The following LTBP2 variants were observed in gnomAD, a reference collection of about 807,000 sequenced individuals.
The protein encoded by LTBP2 is latent transforming growth factor beta binding protein 2, also known as latent-transforming growth factor beta-binding protein 2.
LTBP2 carries 103 observed loss-of-function variants against 210.6 expected under a neutral mutation model. The observed-to-expected ratio is 0.49, with a 90% CI of 0.42 to 0.58. LTBP2 has a LOEUF of 0.58. Among genes scored for constraint, LTBP2 ranks in the 20% least tolerant of loss-of-function variants. The pLI, the probability that LTBP2 is intolerant of heterozygous loss-of-function variation, is 0.00. For synonymous variants in LTBP2, 1,007 were observed against 1,015.0 expected, an observed-to-expected ratio of 0.99 and a Z score of 0.15; for missense variants, 2,313 against 2,494.5, an observed-to-expected ratio of 0.93 and a Z score of 1.55.
At chr14:74,564,398 T>TA (rs2087875554) in intron 3 of LTBP2, among the ~76,000 whole-genome samples, 1 of 102,426 alleles carries the variant, frequency 9.8e-6, no homozygotes, top group African/African-American at 3.8e-5. Flanking sequence ...TTATATATTT[T>TA]TATATATATA....
chr14:74,585,454 A>G (rs1382353606), intron 3 of LTBP2, among the ~76,000 whole-genome samples: 1 of 152,214 alleles, frequency 6.6e-6, no homozygotes, highest in Admixed American at 6.5e-5. Context: ...CACAGGTATT[A>G]TCATTGTCCC....
At chr14:74,522,742 C>T in intron 16 of LTBP2, 48 bp downstream of exon 16, 1 of 1,580,452 alleles carries the variant, frequency 6.3e-7, no homozygotes, top group Non-Finnish European at 8.6e-7. Flanking sequence ...AGCCCCTGCT[C>T]CCATCTACCC....
intron 18 of LTBP2, among the ~76,000 whole-genome samples, chr14:74,512,947 AG>A (rs142594510): frequency 0.096 from 14,601 of 152,322 alleles, 903 homozygotes; most frequent in Non-Finnish European, 0.14. Flanking sequence ...TACTTGAAGG[AG>A]GATGGGCAAA....
At chr14:74,563,818 T>A (rs1184800305) in intron 3 of LTBP2, among the ~76,000 whole-genome samples, 1 of 150,674 alleles carries the variant, frequency 6.6e-6, no homozygotes, top group Non-Finnish European at 1.5e-5. Context: ...GTCTGGCCAT[T>A]TATGGAAGTC....
chr14:74,555,118 C>A (rs753510469), intron 4 of LTBP2, among the ~76,000 whole-genome samples: 1 of 150,780 alleles, frequency 6.6e-6, no homozygotes, highest in Non-Finnish European at 1.5e-5. Flanking sequence ...AGAGGCGCAG[C>A]TGTAGGTGCT....
At position 74,555,529 on chromosome 14, in the gene LTBP2, G is replaced by A; in HGVS notation, c.995C>T (p.Pro332Leu). 6.2e-7 allele frequency: 1 copy of A among 1,613,570 alleles called. No homozygotes were observed. Among genetic ancestry groups the A allele is most frequent in the Non-Finnish European group, 8.5e-7 (1 of 1,179,684 alleles). ...EQRDGTQQAV[P>L]LEHPSSPWGL... ...CCAGGGGGATGAGGGGTGCTCCAGAGGTACCGCCTGTTGGGTGCCATCTCT... is the reference window on the plus strand; with the variant it reads ...CCAGGGGGATGAGGGGTGCTCCAGAAGTACCGCCTGTTGGGTGCCATCTCT... The change falls in exon 4 of 36, where the codon CCT (proline) becomes CTT (leucine). Residue 332 changes from proline to leucine, a missense_variant. Pro to Leu is a moderately conservative substitution (Grantham distance 98, BLOSUM62 -3). Transcript: ENST00000261978.
Position 74,541,463 on chromosome 14 carries a change from A to G in LTBP2, c.1790-5463T>C, listed in dbSNP as rs1383168865. On this transcript the variant is annotated intron_variant, in intron 8 of 35. Coordinates refer to ENST00000261978, the MANE Select transcript of LTBP2 (RefSeq NM_000428.3). Reference sequence around the variant, plus strand: ...GGAGAGTCTTACTAATATTATTCCCATTTTATGGATGAGCAAATTGAGGTT... The same window carrying G: ...GGAGAGTCTTACTAATATTATTCCCGTTTTATGGATGAGCAAATTGAGGTT... 2.6e-5 allele frequency among the ~76,000 whole-genome samples: 4 copies of G among 152,314 alleles called. No individual in the cohort carries two copies. The East Asian group carries it at 7.7e-4, about 29-fold the overall frequency.
intron 1 of LTBP2, among the ~76,000 whole-genome samples, chr14:74,608,471 G>A (rs1330086455): frequency 6.6e-6 from 1 of 151,714 alleles, no homozygotes; most frequent in Non-Finnish European, 1.5e-5. Flanking sequence ...CACTTTGGGA[G>A]GCCAAGGTGG....
chr14:74,567,653 G>C lies in LTBP2; in HGVS notation c.831-11960C>G, dbSNP rs1021157902. Among the ~76,000 whole-genome samples the C allele has an allele frequency of 9.2e-5, 14 of 152,262 alleles. 1 individual carries two copies. Among genetic ancestry groups the C allele is most frequent in the South Asian group, 6.2e-4 (3 of 4,826 alleles). ...GGACCACCCAAAGGGTTGCAGCTCG[G>C]CGGGGGACACAGACCCCCAGGAGGG... On this transcript the variant is annotated intron_variant, in intron 3 of 35. Transcript: ENST00000261978.
At chr14:74,578,783 T>C (rs2088096798) in intron 3 of LTBP2, among the ~76,000 whole-genome samples, 1 of 152,204 alleles carries the variant, frequency 6.6e-6, no homozygotes, top group South Asian at 2.1e-4. Context: ...GGGACACAAT[T>C]TACAAGCTGC....
At chr14:74,574,303 C>T (rs780949742) in intron 3 of LTBP2, among the ~76,000 whole-genome samples, 18 of 152,170 alleles carry the variant, frequency 1.2e-4, no homozygotes, top group Non-Finnish European at 1.6e-4. Flanking sequence ...CCCAAACTTC[C>T]GCCATGGTAA....
At chr14:74,525,090 G>A (rs766938947) in intron 15 of LTBP2, 34 bp downstream of exon 15, 13 of 1,197,954 alleles carry the variant, frequency 1.1e-5, no homozygotes, top group Non-Finnish European at 1.4e-5. Context: ...ACAGGGCAGG[G>A]TGCAGGGAGC....
chr14:74,522,830 G>T lies in LTBP2; in HGVS notation c.2619C>A (p.Ser873Arg). 1 of 1,612,192 alleles carries T rather than the reference G, an allele frequency of 6.2e-7. No homozygotes were observed. The change falls in exon 16 of 36, where the codon AGC (serine) becomes AGA (arginine). Residue 873 changes from serine to arginine, a missense_variant. Coordinates refer to ENST00000261978, the MANE Select transcript of LTBP2 (RefSeq NM_000428.3). ...NLPDGYRCVC[S>R]PGYQLHPSQA... Reference sequence around the variant, plus strand: ...GGCTGGGGTGCAGCTGGTAGCCAGGGCTGCAGACACATCTGTATCCATCGG... The same window carrying T: ...GGCTGGGGTGCAGCTGGTAGCCAGGTCTGCAGACACATCTGTATCCATCGG...
intron 17 of LTBP2, among the ~76,000 whole-genome samples, chr14:74,520,933 A>G (rs546539507): frequency 6.6e-6 from 1 of 152,262 alleles, no homozygotes; most frequent in South Asian, 2.1e-4. Flanking sequence ...TTCACACCTC[A>G]CTCATCTCAG....
chr14:74,564,339 A>ATATT (rs2087869522), intron 3 of LTBP2, among the ~76,000 whole-genome samples: 1 of 9,210 alleles, frequency 1.1e-4, no homozygotes, highest in Non-Finnish European at 2.2e-4. Flanking sequence ...ATTTATATAT[A>ATATT]TATATTTATA....
intron 4 of LTBP2, among the ~76,000 whole-genome samples, chr14:74,553,352 T>TGTTG (rs772288761): frequency 1.7e-4 from 26 of 152,158 alleles, no homozygotes; most frequent in Non-Finnish European, 3.4e-4. Context: ...TATGGCTGAG[T>TGTTG]GTTGGTATTT....
chr14:74,528,401 G>C, intron 12 of LTBP2, 82 bp downstream of exon 12: 1 of 1,505,854 alleles, frequency 6.6e-7, no homozygotes, highest in Non-Finnish European at 9.2e-7. Flanking sequence ...CAGGGACCCA[G>C]GATTAACACC....
intron 14 of LTBP2, 136 bp downstream of exon 14, chr14:74,525,939 C>T (rs977899262): frequency 1.1e-6 from 1 of 950,636 alleles, no homozygotes; most frequent in South Asian, 1.4e-5. Flanking sequence ...ACAGCACTCA[C>T]AGGCCACGTC....
At chr14:74,610,694 C>T (rs1458607467) in intron 1 of LTBP2, among the ~76,000 whole-genome samples, 2 of 152,226 alleles carry the variant, frequency 1.3e-5, no homozygotes, top group African/African-American at 2.4e-5. Flanking sequence ...ACGGCGCCCG[C>T]GGTGGGCAGG....
Sources: allele counts gnomAD v4.1 joint callset (sites outside exome capture counted in the v4.1 genomes callset), GRCh38; gene constraint gnomAD v4.1.1; transcripts MANE v1.5; gene names NCBI Gene and HGNC (gene_info 2026-07-23, HGNC 2026-07-21).